Variants in ENOX1 observed in about 807,000 individuals in gnomAD.
The protein encoded by ENOX1 is candidate growth-related and time keeping constitutive hydroquinone (NADH) oxidase.
A neutral mutation model predicts 82.5 loss-of-function variants in ENOX1; 42 were observed. The ratio of observed to expected loss-of-function variants is 0.51; its 90% confidence interval spans 0.40 to 0.66. The LOEUF is 0.66. ENOX1 is among the 30% of genes least tolerant of loss of function. The pLI, the probability that ENOX1 is intolerant of heterozygous loss-of-function variation, is 0.00. For missense variants in ENOX1, 608 were observed against 811.6 expected (o/e 0.75, Z 3.05); for synonymous variants, 271 against 282.2 (o/e 0.96, Z 0.40).
chr13:43,437,151 T>G (rs757953302), intron 3 of ENOX1, among the ~76,000 whole-genome samples: 1 of 152,162 alleles, frequency 6.6e-6, no homozygotes, highest in Non-Finnish European at 1.5e-5. Context: ...TAGCAATACT[T>G]TTGGGGAAGG....
chr13:43,740,088 T>C (rs74920280), intron 1 of ENOX1, among the ~76,000 whole-genome samples: 10,665 of 152,308 alleles, frequency 0.07, 498 homozygotes, highest in Non-Finnish European at 0.11. Context: ...AACTCCCACA[T>C]TGTTGGAAGG....
intron 2 of ENOX1, among the ~76,000 whole-genome samples, chr13:43,530,173 T>A (rs1161895263): frequency 6.6e-6 from 1 of 152,164 alleles, no homozygotes; most frequent in Non-Finnish European, 1.5e-5. Flanking sequence ...TCAACTTTCA[T>A]AAATGGTCTT....
chr13:43,725,363 A>T (rs760019914), intron 1 of ENOX1, among the ~76,000 whole-genome samples: 2 of 151,966 alleles, frequency 1.3e-5, no homozygotes, highest in Non-Finnish European at 2.9e-5. Flanking sequence ...GACTAACTGG[A>T]CCTTTATAAT....
intron 2 of ENOX1, among the ~76,000 whole-genome samples, chr13:43,555,162 T>C (rs1241897778): frequency 6.6e-6 from 1 of 152,200 alleles, no homozygotes; most frequent in African/African-American, 2.4e-5. Context: ...TCCCAAAGCT[T>C]TCATGAGTAA....
chr13:43,461,193 C>G (rs2057468840), intron 3 of ENOX1, among the ~76,000 whole-genome samples: 1 of 152,222 alleles, frequency 6.6e-6, no homozygotes, highest in South Asian at 2.1e-4. Flanking sequence ...TTAAGAAACA[C>G]TACTTTATAC....
At chr13:43,356,514 A>G (rs2050168324) in intron 7 of ENOX1, among the ~76,000 whole-genome samples, 9 of 151,654 alleles carry the variant, frequency 5.9e-5, no homozygotes, top group Admixed American at 5.9e-4. Context: ...GGCATGGAGC[A>G]TTTTTTTTCT....
At chr13:43,648,823 A>C (rs545123581) in intron 2 of ENOX1, among the ~76,000 whole-genome samples, 1 of 152,308 alleles carries the variant, frequency 6.6e-6, no homozygotes, top group South Asian at 2.1e-4. Flanking sequence ...TTTCAGTGAG[A>C]GTACTCAGCG....
intron 2 of ENOX1, chr13:43,545,977 C>A (rs1318600149): frequency 6.7e-6 from 1 of 150,298 alleles, no homozygotes; most frequent in Non-Finnish European, 1.5e-5. Flanking sequence ...GGCAATAGAA[C>A]TATTTGTTTA....
chr13:43,238,552 A>G (rs2042661950), intron 14 of ENOX1, among the ~76,000 whole-genome samples: 1 of 152,172 alleles, frequency 6.6e-6, no homozygotes, highest in African/African-American at 2.4e-5. Context: ...CCACAGGGAC[A>G]TGGCAGATGG....
Position 43,730,414 on chromosome 13 carries a change from T to C in ENOX1, c.-285+56238A>G, listed in dbSNP as rs563917301. Among the ~76,000 whole-genome samples, 51 of 152,316 alleles carry C rather than the reference T, an allele frequency of 3.3e-4. No individual in the cohort carries two copies. In the South Asian group the frequency reaches 9.7e-3, roughly 29 times the overall value. Reference sequence around the variant, plus strand: ...CAAGGACTTGGGGGTTCATTCTATATTTCTCAATTGCCCTGAGAACCTACA... The same window carrying C: ...CAAGGACTTGGGGGTTCATTCTATACTTCTCAATTGCCCTGAGAACCTACA... On this transcript the variant is annotated intron_variant, in intron 1 of 16. Transcript: ENST00000690772.
At chr13:43,710,523 C>A (rs565360625) in intron 1 of ENOX1, among the ~76,000 whole-genome samples, 90 of 152,180 alleles carry the variant, frequency 5.9e-4, no homozygotes, top group South Asian at 1.5e-3. Context: ...ACTTTAGACA[C>A]ATAATACTAC....
intron 2 of ENOX1, among the ~76,000 whole-genome samples, chr13:43,486,346 T>G (rs2076416260): frequency 6.6e-6 from 1 of 151,894 alleles, no homozygotes; most frequent in South Asian, 2.1e-4. Flanking sequence ...ATTGCACCAC[T>G]GCACTCGGGC....
chr13:43,412,799 C>A, intron 4 of ENOX1, 46 bp downstream of exon 4: 1 of 1,608,330 alleles, frequency 6.2e-7, no homozygotes, highest in Non-Finnish European at 8.5e-7. Context: ...CCACTAAGAA[C>A]TCAAAAAATC....
At chr13:43,478,492 C>G (rs2058381181) in intron 3 of ENOX1, among the ~76,000 whole-genome samples, 1 of 152,020 alleles carries the variant, frequency 6.6e-6, no homozygotes, top group Admixed American at 6.6e-5. Flanking sequence ...ATTTTAAAAA[C>G]CTGACTCAGG....
chr13:43,577,197 T>C, intron 2 of ENOX1, among the ~76,000 whole-genome samples: 1 of 152,128 alleles, frequency 6.6e-6, no homozygotes, highest in Non-Finnish European at 1.5e-5. Flanking sequence ...AATGGTGCGA[T>C]GTCGGCTCAC....
At chr13:43,558,594 C>T (rs377703721) in intron 2 of ENOX1, among the ~76,000 whole-genome samples, 25 of 152,232 alleles carry the variant, frequency 1.6e-4, no homozygotes, top group African/African-American at 5.8e-4. Context: ...CTCTGGCAGG[C>T]TTTCATTTAT....
intron 2 of ENOX1, among the ~76,000 whole-genome samples, chr13:43,494,667 G>A (rs1184509400): frequency 6.6e-6 from 1 of 152,200 alleles, no homozygotes; most frequent in Non-Finnish European, 1.5e-5. Context: ...TATGGAGTTG[G>A]AGAATAAGAT....
intron 2 of ENOX1, among the ~76,000 whole-genome samples, chr13:43,550,424 G>A (rs1268041307): frequency 6.6e-6 from 1 of 152,206 alleles, no homozygotes; most frequent in Non-Finnish European, 1.5e-5. Context: ...ATACTGGAGG[G>A]ACAATGGGCT....
At chr13:43,688,150 C>T (rs1374204171) in intron 1 of ENOX1, among the ~76,000 whole-genome samples, 1 of 150,808 alleles carries the variant, frequency 6.6e-6, no homozygotes, top group Admixed American at 6.6e-5. Flanking sequence ...GGGAGAGAGA[C>T]CTGGGTTGTA....
Sources: gnomAD v4.1 joint callset for allele counts (sites outside exome capture counted in the v4.1 genomes callset) on GRCh38, gnomAD v4.1.1 for gene constraint, MANE v1.5 for transcripts, NCBI Gene and HGNC (gene_info 2026-07-23, HGNC 2026-07-21) for gene names.